The following MPDZ variants were observed in gnomAD, a reference collection of about 807,000 sequenced individuals.
The protein encoded by MPDZ is multiple PDZ domain crumbs cell polarity complex component, also known as multiple PDZ domain protein.
A neutral mutation model predicts 239.1 loss-of-function variants in MPDZ; 234 were observed. The observed-to-expected ratio is 0.98, with a 90% CI of 0.88 to 1.09. The LOEUF is 1.09. Ranked by LOEUF, MPDZ falls within the 50% of genes least tolerant of loss-of-function variation. The probability of loss-of-function intolerance (pLI) is 0.00; values close to 1 mark genes in which losing one functional copy is unlikely to be tolerated. For synonymous variants in MPDZ, 1,048 were observed against 881.3 expected, an observed-to-expected ratio of 1.19 and a Z score of -3.35; for missense variants, 3,175 against 2,510.0, an observed-to-expected ratio of 1.26 and a Z score of -5.66.
chr9:13,115,777 C>A (rs1275088726), intron 39 of MPDZ, among the ~76,000 whole-genome samples: 1 of 151,870 alleles, frequency 6.6e-6, no homozygotes, highest in Non-Finnish European at 1.5e-5. Context: ...AACCCTGTCT[C>A]TACTAAAAAT....
intron 13 of MPDZ, 131 bp from the exon 14 acceptor site, chr9:13,193,444 A>C: frequency 1.0e-6 from 1 of 1,004,534 alleles, no homozygotes; most frequent in South Asian, 2.3e-5. Flanking sequence ...CCATATTGTA[A>C]AACTGCAAAG....
At chr9:13,199,314 T>A (rs911633111) in intron 12 of MPDZ, among the ~76,000 whole-genome samples, 1 of 152,100 alleles carries the variant, frequency 6.6e-6, no homozygotes, top group Non-Finnish European at 1.5e-5. Flanking sequence ...TTTGGATTAT[T>A]TGCTGTGGTG....
chr9:13,192,166 T>C lies in MPDZ; in HGVS notation c.1933A>G (p.Ser645Gly), dbSNP rs1220556933. ...AGCTCAATATCACATAAGTCCAGGC[T>C]ATCCAATTCTGATTGGGTGGTGGGT... ...VPPTTQSELD[S>G]LDLCDIELTE... The change falls in exon 15 of 47, where the codon AGC (serine) becomes GGC (glycine). Residue 645 changes from serine to glycine, a missense_variant. Transcript: ENST00000319217. 1.9e-6 allele frequency: 3 copies of C among 1,609,842 alleles called. No individual in the cohort carries two copies. The highest frequency in any genetic ancestry group is 3.3e-5 in the Admixed American group (2 of 59,710).
At position 13,278,653 on chromosome 9, in the gene MPDZ, G is replaced by A. The variant is rs369561459; in HGVS notation, c.-58+747C>T. On this transcript the variant is annotated intron_variant, in intron 1 of 46. Transcript: ENST00000319217. ...GCAGACAAAGACGCCCATCAGCGCG[G>A]GGGGTGAGGAGACTAAGGGAGAGAC... 5.3e-5 allele frequency among the ~76,000 whole-genome samples: 8 copies of A among 152,276 alleles called. No homozygotes were observed. The East Asian group carries it at 1.6e-3, about 30-fold the overall frequency.
intron 35 of MPDZ, 59 bp downstream of exon 35, chr9:13,125,157 C>T (rs988946646): frequency 6.9e-7 from 1 of 1,443,480 alleles, no homozygotes; most frequent in Non-Finnish European, 9.2e-7. Flanking sequence ...AAGCAGAAAC[C>T]CTCTGCTGAG....
chr9:13,124,088 G>C (rs1402601148), intron 35 of MPDZ, among the ~76,000 whole-genome samples: 5 of 152,210 alleles, frequency 3.3e-5, no homozygotes, highest in Non-Finnish European at 7.3e-5. Flanking sequence ...ACTTGGTATA[G>C]TAGCGTATGC....
intron 22 of MPDZ, among the ~76,000 whole-genome samples, chr9:13,165,081 G>A (rs779938421): frequency 2.6e-5 from 4 of 152,108 alleles, no homozygotes; most frequent in African/African-American, 9.7e-5. Flanking sequence ...ATTCCTGCAC[G>A]TGCAGACAGG....
chr9:13,121,277 G>C (rs956009712), intron 38 of MPDZ, among the ~76,000 whole-genome samples: 2 of 151,784 alleles, frequency 1.3e-5, no homozygotes, highest in African/African-American at 4.8e-5. Context: ...CTTTTTTCTT[G>C]GAAATTTTCC....
chr9:13,233,943 G>GAAGGAGTCCTTT (rs1963252579), intron 3 of MPDZ, among the ~76,000 whole-genome samples: 1 of 152,146 alleles, frequency 6.6e-6, no homozygotes, highest in African/African-American at 2.4e-5. Context: ...CCCATTCCCA[G>GAAGGAGTCCTTT]AAGGAGTCCT....
intron 13 of MPDZ, among the ~76,000 whole-genome samples, chr9:13,193,777 G>A (rs565363822): frequency 1.3e-5 from 2 of 152,222 alleles, no homozygotes; most frequent in South Asian, 4.1e-4. Flanking sequence ...ATTTTCTACT[G>A]TTACATTAAA....
intron 1 of MPDZ, among the ~76,000 whole-genome samples, chr9:13,259,932 C>A (rs1295940327): frequency 6.6e-6 from 1 of 152,114 alleles, no homozygotes; most frequent in Non-Finnish European, 1.5e-5. Context: ...CTCCCAGGTT[C>A]AAGCTATTCT....
chr9:13,117,908 G>C (rs985197151), intron 39 of MPDZ, among the ~76,000 whole-genome samples: 2 of 147,696 alleles, frequency 1.4e-5, no homozygotes, highest in Admixed American at 1.4e-4. Context: ...GCAATGATGC[G>C]ATCTCGGCTT....
At chr9:13,141,469 G>A (rs1008135490) in intron 27 of MPDZ, among the ~76,000 whole-genome samples, 8 of 151,978 alleles carry the variant, frequency 5.3e-5, no homozygotes, top group Admixed American at 3.3e-4. Flanking sequence ...TTCTAACCTC[G>A]GTATGAAGTT....
chr9:13,260,963 G>C (rs1430814288), intron 1 of MPDZ, among the ~76,000 whole-genome samples: 1 of 152,138 alleles, frequency 6.6e-6, no homozygotes, highest in African/African-American at 2.4e-5. Context: ...ACTATGCTTC[G>C]CCCCTTTCTT....
chr9:13,202,411 T>A (rs1956490852), intron 12 of MPDZ, among the ~76,000 whole-genome samples: 1 of 152,122 alleles, frequency 6.6e-6, no homozygotes, highest in South Asian at 2.1e-4. Context: ...GCACCAGGAT[T>A]TTGTAGAAAA....
chr9:13,184,922 A>G (rs1953885842), intron 18 of MPDZ, among the ~76,000 whole-genome samples: 1 of 152,038 alleles, frequency 6.6e-6, no homozygotes, highest in African/African-American at 2.4e-5. Flanking sequence ...AGCTCACATA[A>G]AAGTGGAACT....
chr9:13,205,982 G>C lies in MPDZ; in HGVS notation c.1408C>G (p.Leu470Val), dbSNP rs1956942445. 6.2e-7 allele frequency: 1 copy of C among 1,611,540 alleles called. No individual in the cohort carries two copies. Among genetic ancestry groups the C allele is most frequent in the Non-Finnish European group, 8.5e-7 (1 of 1,179,060 alleles). Residue 470 changes from leucine to valine, a missense_variant, in exon 11 of 47, where the codon CTC (leucine) becomes GTC (valine). Transcript: ENST00000319217. ...TTTGTGACGTCTTCCCTTGACATGA[G>C]CTCGGCTTCCTGCTTCATTCCTCTC... ...MRRGMKQEAE[L>V]MSREDVTKDA... is the part of the protein sequence containing the mutation.
chr9:13,209,160 T>C (rs1311971662), intron 10 of MPDZ, among the ~76,000 whole-genome samples: 1 of 152,144 alleles, frequency 6.6e-6, no homozygotes, highest in Non-Finnish European at 1.5e-5. Flanking sequence ...AGATGGTATA[T>C]GTGGATCCTA....
intron 23 of MPDZ, among the ~76,000 whole-genome samples, chr9:13,159,846 T>C (rs1221130157): frequency 6.6e-6 from 1 of 152,180 alleles, no homozygotes; most frequent in Non-Finnish European, 1.5e-5. Context: ...TATTGTTTAC[T>C]CATCTTAGTG....
Sources: allele counts gnomAD v4.1 joint callset (sites outside exome capture counted in the v4.1 genomes callset), GRCh38; gene constraint gnomAD v4.1.1; transcripts MANE v1.5; gene names NCBI Gene and HGNC (gene_info 2026-07-23, HGNC 2026-07-21).